Variants in CTNNA3 observed in about 807,000 individuals in gnomAD.
The protein encoded by CTNNA3 is catenin alpha-3.
In CTNNA3, 76 loss-of-function variants were observed where a neutral mutation model predicts 95.7. That is an observed-to-expected ratio of 0.79 (90% CI 0.66 to 0.96). CTNNA3 has a LOEUF of 0.96. Ranked by LOEUF, CTNNA3 falls within the 40% of genes least tolerant of loss-of-function variation. The pLI, the probability that CTNNA3 is intolerant of heterozygous loss-of-function variation, is 0.00. For missense variants in CTNNA3, 1,191 were observed against 1,089.8 expected, an observed-to-expected ratio of 1.09 and a Z score of -1.31; for synonymous variants, 431 against 374.4, an observed-to-expected ratio of 1.15 and a Z score of -1.74.
intron 1 of CTNNA3, among the ~76,000 whole-genome samples, chr10:67,743,935 C>A (rs1300553990): frequency 8.6e-5 from 13 of 151,104 alleles, no homozygotes; most frequent in African/African-American, 3.2e-4. Context: ...CCTAGGAATC[C>A]AACTTACAAG....
chr10:66,932,860 C>T (rs1847485508), intron 7 of CTNNA3, among the ~76,000 whole-genome samples: 1 of 152,108 alleles, frequency 6.6e-6, no homozygotes, highest in African/African-American at 2.4e-5. Flanking sequence ...GATTCTTTTG[C>T]ATTTGAGGGA....
chr10:66,155,912 C>CA (rs910087343), intron 13 of CTNNA3, among the ~76,000 whole-genome samples: 6 of 149,412 alleles, frequency 4.0e-5, no homozygotes, highest in African/African-American at 1.2e-4. Flanking sequence ...AGAAAGAACT[C>CA]AAAAAAAATC....
chr10:67,031,414 C>T (rs1412632711), intron 7 of CTNNA3, among the ~76,000 whole-genome samples: 1 of 152,146 alleles, frequency 6.6e-6, no homozygotes, highest in Non-Finnish European at 1.5e-5. Flanking sequence ...TACATTATCC[C>T]TTTCTACTAT....
At chr10:67,460,874 C>A (rs1247144658) in intron 5 of CTNNA3, among the ~76,000 whole-genome samples, 1 of 152,102 alleles carries the variant, frequency 6.6e-6, no homozygotes, top group Admixed American at 6.6e-5. Flanking sequence ...CAATCTAAAT[C>A]TCCCAATACT....
At chr10:67,315,842 C>A (rs1841025979) in intron 5 of CTNNA3, among the ~76,000 whole-genome samples, 1 of 152,078 alleles carries the variant, frequency 6.6e-6, no homozygotes, top group South Asian at 2.1e-4. Flanking sequence ...TAGAAAATCA[C>A]TAGTGATTGC....
At chr10:67,111,686 A>T (rs1262981006) in intron 7 of CTNNA3, among the ~76,000 whole-genome samples, 5 of 152,042 alleles carry the variant, frequency 3.3e-5, no homozygotes, top group African/African-American at 1.2e-4. Flanking sequence ...TTATTATAAT[A>T]AATGGCAAGA....
At chr10:66,391,216 A>G (rs925660012) in intron 11 of CTNNA3, among the ~76,000 whole-genome samples, 4 of 152,134 alleles carry the variant, frequency 2.6e-5, no homozygotes, top group Non-Finnish European at 5.9e-5. Flanking sequence ...AAAGAAAAAT[A>G]AAGTCCAATA....
At chr10:66,126,924 C>T (rs1348414064) in intron 13 of CTNNA3, among the ~76,000 whole-genome samples, 1 of 152,060 alleles carries the variant, frequency 6.6e-6, no homozygotes, top group African/African-American at 2.4e-5. Flanking sequence ...ATAACTTCCA[C>T]TCCTTAACTG....
chr10:66,519,636 T>C (rs1413691741), intron 11 of CTNNA3, among the ~76,000 whole-genome samples: 1 of 152,192 alleles, frequency 6.6e-6, no homozygotes, highest in Non-Finnish European at 1.5e-5. Flanking sequence ...ACCTATGACC[T>C]GGAAGCCCCC....
intron 7 of CTNNA3, among the ~76,000 whole-genome samples, chr10:67,030,492 C>CA (rs1168434450): frequency 6.6e-5 from 10 of 151,772 alleles, no homozygotes; most frequent in African/African-American, 1.2e-4. Context: ...CACACCCACA[C>CA]AAAAAATATA....
chr10:67,347,209 C>A (rs1262499670), intron 5 of CTNNA3, among the ~76,000 whole-genome samples: 1 of 151,878 alleles, frequency 6.6e-6, no homozygotes, highest in Non-Finnish European at 1.5e-5. Flanking sequence ...GCCACCAATG[C>A]CCAGCTAATT....
chr10:66,166,498 C>CAAA (rs35165850), intron 13 of CTNNA3, among the ~76,000 whole-genome samples: 67 of 105,040 alleles, frequency 6.4e-4, no homozygotes, highest in African/African-American at 1.6e-3. Flanking sequence ...CAGTCTGTCT[C>CAAA]AAAAAAAAAA....
intron 15 of CTNNA3, among the ~76,000 whole-genome samples, chr10:66,053,199 T>C (rs980372777): frequency 2.1e-5 from 3 of 145,704 alleles, no homozygotes; most frequent in African/African-American, 7.3e-5. Flanking sequence ...TCTATAAAAA[T>C]AACTATTTTA....
chr10:66,197,106 A>G (rs544844518), intron 13 of CTNNA3, among the ~76,000 whole-genome samples: 1 of 152,270 alleles, frequency 6.6e-6, no homozygotes, highest in South Asian at 2.1e-4. Context: ...TGACTTTCCA[A>G]TTTTTCAAAA....
At chr10:67,698,686 C>A (rs1841009000), upstream of CTNNA3, among the ~76,000 whole-genome samples, 1 of 152,036 alleles carries the variant, frequency 6.6e-6, no homozygotes, top group African/African-American at 2.4e-5. Flanking sequence ...GCCATAATAC[C>A]TTTCTAAAAT....
chr10:66,382,112 T>C (rs551509208), intron 11 of CTNNA3, among the ~76,000 whole-genome samples: 1 of 152,060 alleles, frequency 6.6e-6, no homozygotes, highest in Non-Finnish European at 1.5e-5. Context: ...AGGGGTGAGC[T>C]GAAGCAGGAC....
chr10:66,643,839 T>C (rs1379775086), intron 9 of CTNNA3, among the ~76,000 whole-genome samples: 1 of 152,204 alleles, frequency 6.6e-6, no homozygotes, highest in African/African-American at 2.4e-5. Context: ...AAATATTTAT[T>C]TTATTTCCAA....
intron 9 of CTNNA3, among the ~76,000 whole-genome samples, chr10:66,694,177 G>A: frequency 6.6e-6 from 1 of 152,178 alleles, no homozygotes; most frequent in East Asian, 1.9e-4. Flanking sequence ...CCAGGAGCTG[G>A]TTTTTTGAGA....
intron 5 of CTNNA3, among the ~76,000 whole-genome samples, chr10:67,493,037 T>C (rs1165047281): frequency 6.6e-6 from 1 of 152,218 alleles, no homozygotes; most frequent in Non-Finnish European, 1.5e-5. Context: ...ATGTTAATAA[T>C]AGATTGCCCT....
Sources: gnomAD v4.1 joint callset for allele counts (sites outside exome capture counted in the v4.1 genomes callset) on GRCh38, gnomAD v4.1.1 for gene constraint, MANE v1.5 for transcripts, NCBI Gene and HGNC (gene_info 2026-07-23, HGNC 2026-07-21) for gene names.